The following ABCA8 variants were observed in gnomAD, a reference collection of about 807,000 sequenced individuals.
ABCA8 encodes ABC-type organic anion transporter ABCA8.
ABCA8 carries 177 observed loss-of-function variants against 192.3 expected under a neutral mutation model. That is an observed-to-expected ratio of 0.92 (90% CI 0.81 to 1.04). ABCA8 has a LOEUF of 1.04. Among genes scored for constraint, ABCA8 ranks in the 50% least tolerant of loss-of-function variants. The probability of loss-of-function intolerance (pLI) is 0.00; values close to 1 mark genes in which losing one functional copy is unlikely to be tolerated. For synonymous variants in ABCA8, 642 were observed against 690.2 expected (o/e 0.93, Z 1.09); for missense variants, 1,915 against 1,904.8 (o/e 1.01, Z -0.10).
At chr17:68,933,308 A>G in intron 5 of ABCA8, 37 bp from the exon 6 acceptor site, 1 of 1,289,614 alleles carries the variant, frequency 7.8e-7, no homozygotes, top group Non-Finnish European at 1.1e-6. Flanking sequence ...TCATTACATC[A>G]CTATCTATAT....
intron 5 of ABCA8, among the ~76,000 whole-genome samples, chr17:68,934,304 GA>G (rs940979051): frequency 4.7e-5 from 7 of 150,484 alleles, no homozygotes; most frequent in South Asian, 2.1e-4. Flanking sequence ...GTGATTACCA[GA>G]AAAAAAAATC....
chr17:68,940,920 A>G lies in ABCA8; in HGVS notation c.139T>C (p.Tyr47His). The G allele has an allele frequency of 6.2e-7, 1 of 1,612,196 alleles. No individual in the cohort carries two copies. The highest frequency in any genetic ancestry group is 8.5e-7 in the Non-Finnish European group (1 of 1,178,428). The stretch of plus-strand genomic sequence containing the variant: ...TCATTTACTTGATGACTATGAGGAT[A>G]TATATACAAACAAAGTAGTAGGAGC... ...SLLLLLCLYI[Y>H]PHSHQVNDFS... The change falls in exon 4 of 40, where the codon TAT (tyrosine) becomes CAT (histidine). Residue 47 changes from tyrosine (Y) to histidine (H), a missense_variant. Coordinates refer to ENST00000586539, the MANE Select transcript of ABCA8 (RefSeq NM_001288985.2).
At chr17:68,883,114 A>C (rs2066373464) in intron 29 of ABCA8, among the ~76,000 whole-genome samples, 1 of 152,174 alleles carries the variant, frequency 6.6e-6, no homozygotes, top group Non-Finnish European at 1.5e-5. Context: ...TGGCATATTG[A>C]CTTTTCCTCT....
At position 68,902,702 on chromosome 17, in the gene ABCA8, C is replaced by A; in HGVS notation, c.2764+11G>T. The A allele has an allele frequency of 6.2e-7, 1 of 1,606,234 alleles. No homozygotes were observed. The highest frequency in any genetic ancestry group is 8.5e-7 in the Non-Finnish European group (1 of 1,173,838). On this transcript the variant is annotated intron_variant, in intron 21 of 39. Coordinates refer to ENST00000586539, the MANE Select transcript of ABCA8 (RefSeq NM_001288985.2). Reference sequence around the variant, plus strand: ...TAAATGTATTTGGAAATCAAGTATCCACCATTTTACCTGTTTTATTGATGA... The same window carrying A: ...TAAATGTATTTGGAAATCAAGTATCAACCATTTTACCTGTTTTATTGATGA...
intron 10 of ABCA8, among the ~76,000 whole-genome samples, chr17:68,926,114 G>A (rs1401635338): frequency 6.6e-6 from 1 of 152,000 alleles, no homozygotes; most frequent in African/African-American, 2.4e-5. Context: ...TGTACAAAGA[G>A]AATATTTAAA....
At position 68,903,387 on chromosome 17, in the gene ABCA8, A is replaced by C. The variant is rs574410339; in HGVS notation, c.2511T>G (p.Gly837=). Reference sequence around the variant, plus strand: ...AGATTTGCTGTCGCCAGAGAGCCACACCACCTATTGTCTTTCTCATCTTGT... The same window carrying C: ...AGATTTGCTGTCGCCAGAGAGCCACCCCACCTATTGTCTTTCTCATCTTGT... The part of the protein sequence containing the change: ...SLNKMRKTIG[G]VALWRQQICA... Residue 837 remains glycine, a synonymous_variant, in exon 20 of 40, where the codon GGT becomes GGG. Transcript: ENST00000586539. 1.9e-6 allele frequency: 3 copies of C among 1,614,230 alleles called. No individual in the cohort carries two copies.
chr17:68,941,036 G>T (rs1446172029), intron 3 of ABCA8, 74 bp from the exon 4 acceptor site: 5 of 1,260,312 alleles, frequency 4.0e-6, no homozygotes, highest in Non-Finnish European at 1.1e-6. Context: ...TTGTCATAAA[G>T]TTTGCCTCTT....
chr17:68,923,824 T>A (rs2067614011), intron 11 of ABCA8, among the ~76,000 whole-genome samples: 1 of 152,192 alleles, frequency 6.6e-6, no homozygotes, highest in Non-Finnish European at 1.5e-5. Context: ...TGAGTATGAC[T>A]TGGACAGCCA....
At position 68,875,391 on chromosome 17, in the gene ABCA8, A is replaced by G. The variant is rs768457021; in HGVS notation, c.4500T>C (p.Gly1500=). 8.7e-6 allele frequency: 14 copies of G among 1,614,102 alleles called. No individual in the cohort carries two copies. In the South Asian group the frequency reaches 1.4e-4, roughly 16 times the overall value. ...ATTTGCTTTTCAGGTGTTGGATGGA[A>G]CCGATACATCTGGAGGATGAGGTCA... is the stretch of plus-strand genomic sequence containing the variant. The part of the protein sequence containing the change: ...IMVSGRLRCI[G]SIQHLKSKFG... The change falls in exon 37 of 40, where the codon GGT becomes GGC. Residue 1500 remains glycine, a synonymous_variant. Transcript: ENST00000586539.
intron 2 of ABCA8, among the ~76,000 whole-genome samples, chr17:68,944,316 T>TTATA (rs1177610587): frequency 0.027 from 762 of 28,534 alleles, 25 homozygotes; most frequent in Non-Finnish European, 0.036. Context: ...GAACTTAAAG[T>TTATA]TATATATATA....
rs2066426989 is a variant in ABCA8 at position 68,885,198 on chromosome 17, G to A, written c.3547C>T (p.His1183Tyr). ...TMIGCLFLSSHLLFSSLFSEE... is the reference protein window; with the variant it reads ...TMIGCLFLSSYLLFSSLFSEE... ...GGACAGACTGTGTCATTACTTACAT[G>A]AGAAGATAAGAACAAACAGCCAATC... The change falls in exon 27 of 40, where the codon CAT becomes TAT. Residue 1183 changes from histidine (H) to tyrosine (Y), a missense_variant and splice_region_variant. His to Tyr is a moderately conservative substitution (Grantham distance 83). Coordinates refer to ENST00000586539, the MANE Select transcript of ABCA8 (RefSeq NM_001288985.2). 1.2e-6 allele frequency: 2 copies of A among 1,612,468 alleles called. No homozygotes were observed. The highest frequency in any genetic ancestry group is 2.2e-5 in the South Asian group (2 of 90,714).
intron 24 of ABCA8, among the ~76,000 whole-genome samples, chr17:68,890,643 T>G (rs1217884304): frequency 6.6e-6 from 1 of 152,134 alleles, no homozygotes; most frequent in African/African-American, 2.4e-5. Context: ...CTCAGCCTCC[T>G]GAGTAGCTGA....
intron 24 of ABCA8, among the ~76,000 whole-genome samples, chr17:68,888,659 C>G (rs565026923): frequency 6.6e-6 from 1 of 152,276 alleles, no homozygotes; most frequent in African/African-American, 2.4e-5. Context: ...TTAAGTATCT[C>G]TACATTCAGT....
rs761696971 is a variant in ABCA8 at position 68,876,522 on chromosome 17, C to T, written c.4308G>A (p.Pro1436=). ...LCFVLSILGN[P]SVVLLDEPST... is the part of the protein sequence containing the mutation. ...ACGGCTCATCCAGAAGCACCACTGA[C>T]GGGTTCCCCAGTATGCTCAGGACAA... Residue 1436 remains proline (P), a synonymous_variant, in exon 35 of 40, where the codon CCG becomes CCA. Coordinates refer to ENST00000586539, the MANE Select transcript of ABCA8 (RefSeq NM_001288985.2). The T allele has an allele frequency of 4.2e-5, 68 of 1,613,968 alleles. No individual in the cohort carries two copies. The highest frequency in any genetic ancestry group is 1.6e-4 in the Middle Eastern group (1 of 6,082).
chr17:68,895,069 T>C, intron 21 of ABCA8, 56 bp from the exon 22 acceptor site: 1 of 1,473,226 alleles, frequency 6.8e-7, no homozygotes, highest in Non-Finnish European at 9.1e-7. Context: ...TAATGTCAAG[T>C]TGTGTAGTCA....
At chr17:68,888,746 C>T (rs1327686119) in intron 24 of ABCA8, among the ~76,000 whole-genome samples, 1 of 152,130 alleles carries the variant, frequency 6.6e-6, no homozygotes, top group African/African-American at 2.4e-5. Flanking sequence ...TTGTATCAAC[C>T]TTGGAGGTCA....
At chr17:68,929,805 C>A (rs2067808723) in intron 7 of ABCA8, 103 bp from the exon 8 acceptor site, 1 of 1,053,950 alleles carries the variant, frequency 9.5e-7, no homozygotes, top group East Asian at 2.6e-5. Context: ...TTCATCCATT[C>A]ATTCTCTCTT....
In ABCA8 at chr17:68,906,090, A is replaced by G. The variant is rs1216702810; in HGVS notation, c.2352T>C (p.Asn784=). 3.8e-6 allele frequency: 6 copies of G among 1,599,872 alleles called. No individual in the cohort carries two copies. Among genetic ancestry groups the G allele is most frequent in the Non-Finnish European group, 5.1e-6 (6 of 1,173,650 alleles). The change falls in exon 19 of 40, where the codon AAT becomes AAC. Residue 784 remains asparagine (N), a synonymous_variant. Coordinates refer to ENST00000586539, the MANE Select transcript of ABCA8 (RefSeq NM_001288985.2). ...TTCCTTCTAGCTTCAGGAATACTTC[A>G]TTCAAAGTTGTCATGGAAACACCAT... ...ENYGVSMTTL[N]EVFLKLEGKS... is the part of the protein sequence containing the mutation.
chr17:68,885,282 T>G lies in ABCA8; in HGVS notation c.3463A>C (p.Ser1155Arg). The change falls in exon 27 of 40, where the codon AGT (serine) becomes CGT (arginine). Residue 1155 changes from serine to arginine, a missense_variant. Ser to Arg is a moderately radical substitution (Grantham distance 110). Transcript: ENST00000586539. ...AATGGAATATCACTTTCGAAGATACTGAACGCAAATCCAGCCACAGAGAAT... is the reference window on the plus strand; with the variant it reads ...AATGGAATATCACTTTCGAAGATACGGAACGCAAATCCAGCCACAGAGAAT... ...TVFSVAGFAF[S>R]IFESDIPFIF... 5 of 1,613,262 alleles carry G rather than the reference T, an allele frequency of 3.1e-6. No homozygotes were observed. Among genetic ancestry groups the G allele is most frequent in the Non-Finnish European group, 4.2e-6 (5 of 1,179,668 alleles).
Sources: allele counts gnomAD v4.1 joint callset (sites outside exome capture counted in the v4.1 genomes callset), GRCh38; gene constraint gnomAD v4.1.1; transcripts MANE v1.5; gene names NCBI Gene and HGNC (gene_info 2026-07-23, HGNC 2026-07-21).